RALYL: variants seen among roughly 807,000 people sequenced by gnomAD.
RALYL encodes the protein RNA-binding Raly-like protein.
In RALYL, 29 loss-of-function variants were observed where a neutral mutation model predicts 35.1. That is an observed-to-expected ratio of 0.83 (90% CI 0.61 to 1.13). RALYL has a LOEUF of 1.13. Among genes scored for constraint, RALYL ranks in the 50% most tolerant of loss-of-function variants. The probability of loss-of-function intolerance (pLI) is 0.00; values close to 1 mark genes in which losing one functional copy is unlikely to be tolerated. For missense variants in RALYL, 359 were observed against 360.4 expected, an observed-to-expected ratio of 1.00 and a Z score of 0.03; for synonymous variants, 120 against 127.6, an observed-to-expected ratio of 0.94 and a Z score of 0.40.
chr8:84,708,439 G>T (rs934157372), intron 2 of RALYL, among the ~76,000 whole-genome samples: 2 of 152,088 alleles, frequency 1.3e-5, no homozygotes, highest in Admixed American at 6.6e-5. Flanking sequence ...TCAAATAGCA[G>T]ATCTTACTTG....
chr8:84,822,095 T>C (rs920947373), intron 4 of RALYL, among the ~76,000 whole-genome samples: 1 of 152,198 alleles, frequency 6.6e-6, no homozygotes, highest in African/African-American at 2.4e-5. Flanking sequence ...GAAACACTTG[T>C]TGAGACATTT....
intron 4 of RALYL, among the ~76,000 whole-genome samples, chr8:84,814,935 C>T (rs1446938019): frequency 1.3e-5 from 2 of 152,188 alleles, no homozygotes; most frequent in Non-Finnish European, 2.9e-5. Context: ...GCAGTGTTTT[C>T]CAACGCTACC....
At chr8:84,289,098 A>G (rs1838248480) in intron 1 of RALYL, among the ~76,000 whole-genome samples, 1 of 152,104 alleles carries the variant, frequency 6.6e-6, no homozygotes, top group East Asian at 1.9e-4. Flanking sequence ...ATGTTCTCTT[A>G]TTGTTGTGAC....
chr8:84,463,803 A>T (rs2051123467), intron 1 of RALYL, among the ~76,000 whole-genome samples: 1 of 152,084 alleles, frequency 6.6e-6, no homozygotes, highest in Admixed American at 6.6e-5. Flanking sequence ...TTTTTAGTGT[A>T]CCATTCTATT....
chr8:84,719,932 T>C (rs974299971), intron 2 of RALYL, among the ~76,000 whole-genome samples: 1 of 152,052 alleles, frequency 6.6e-6, no homozygotes, highest in African/African-American at 2.4e-5. Flanking sequence ...CCCTTTCCAC[T>C]CTCCAATCTT....
intron 3 of RALYL, among the ~76,000 whole-genome samples, chr8:84,801,575 A>G (rs145583565): frequency 1.1e-4 from 17 of 152,334 alleles, no homozygotes; most frequent in African/African-American, 3.6e-4. Context: ...GATCAGCTTT[A>G]AGAAGGAGTT....
chr8:84,212,773 A>G (rs1819805991), intron 1 of RALYL, among the ~76,000 whole-genome samples: 1 of 152,204 alleles, frequency 6.6e-6, no homozygotes, highest in Non-Finnish European at 1.5e-5. Context: ...ATACTTGAAA[A>G]AGATCAGTAT....
chr8:84,700,802 C>A (rs1840054514), intron 2 of RALYL, among the ~76,000 whole-genome samples: 1 of 152,028 alleles, frequency 6.6e-6, no homozygotes, highest in Non-Finnish European at 1.5e-5. Flanking sequence ...AGACAGTTGT[C>A]AAGACAGCAA....
chr8:84,330,971 C>T (rs906663967), intron 1 of RALYL, among the ~76,000 whole-genome samples: 4 of 151,980 alleles, frequency 2.6e-5, no homozygotes, highest in East Asian at 1.9e-4. Flanking sequence ...GCATTGTATG[C>T]TGTGAGAAAT....
At chr8:84,402,384 T>C (rs1041823396) in intron 1 of RALYL, among the ~76,000 whole-genome samples, 29 of 152,164 alleles carry the variant, frequency 1.9e-4, no homozygotes, top group African/African-American at 7.0e-4. Context: ...TGATTGTGTC[T>C]CAAATCCATA....
chr8:84,376,488 A>G (rs1190994568), intron 1 of RALYL, among the ~76,000 whole-genome samples: 20 of 151,884 alleles, frequency 1.3e-4, no homozygotes. Context: ...CTAGCACCAG[A>G]AAGAATGGGT....
At chr8:84,450,699 G>C (rs996170892) in intron 1 of RALYL, among the ~76,000 whole-genome samples, 29 of 151,814 alleles carry the variant, frequency 1.9e-4, no homozygotes, top group Non-Finnish European at 7.4e-5. Context: ...TCATGAAAAA[G>C]TTAGGCACTT....
intron 2 of RALYL, among the ~76,000 whole-genome samples, chr8:84,559,432 T>C (rs1239947669): frequency 6.6e-6 from 1 of 152,060 alleles, no homozygotes; most frequent in African/African-American, 2.4e-5. Context: ...TTGTCCTTTG[T>C]TTATATATTT....
intron 1 of RALYL, among the ~76,000 whole-genome samples, chr8:84,348,419 C>G (rs1850247848): frequency 6.6e-6 from 1 of 152,058 alleles, no homozygotes; most frequent in South Asian, 2.1e-4. Context: ...CTTGCAAGAG[C>G]TCACTGCATG....
At chr8:84,841,927 A>G (rs1327673204) in intron 4 of RALYL, among the ~76,000 whole-genome samples, 2 of 152,364 alleles carry the variant, frequency 1.3e-5, no homozygotes, top group African/African-American at 4.8e-5. Context: ...CAATGAGAAC[A>G]AAGTCACAAC....
intron 2 of RALYL, among the ~76,000 whole-genome samples, chr8:84,746,899 A>G (rs1808733186): frequency 6.6e-6 from 1 of 151,944 alleles, no homozygotes; most frequent in Admixed American, 6.6e-5. Context: ...ATGTAAATTA[A>G]TATTCAATTT....
At chr8:84,894,350 G>C (rs1385529451) in intron 8 of RALYL, among the ~76,000 whole-genome samples, 3 of 152,166 alleles carry the variant, frequency 2.0e-5, no homozygotes, top group Admixed American at 6.5e-5. Context: ...AACTGAATTA[G>C]TTGGAATTGT....
At chr8:84,529,628 A>G (rs890626424) in intron 2 of RALYL, 51 bp downstream of exon 2, 12 of 1,541,748 alleles carry the variant, frequency 7.8e-6, no homozygotes, top group Admixed American at 5.4e-5. Context: ...ATATCTGGAA[A>G]TTGTTTTATT....
intron 1 of RALYL, among the ~76,000 whole-genome samples, chr8:84,370,604 A>G (rs1855491340): frequency 6.6e-6 from 1 of 152,078 alleles, no homozygotes; most frequent in African/African-American, 2.4e-5. Context: ...AAAGGAAAAT[A>G]CGAGAGCAGC....
Sources: gnomAD v4.1 joint callset for allele counts (sites outside exome capture counted in the v4.1 genomes callset) on GRCh38, gnomAD v4.1.1 for gene constraint, MANE v1.5 for transcripts, NCBI Gene and HGNC (gene_info 2026-07-23, HGNC 2026-07-21) for gene names.